The following PAPPA2 variants were observed in gnomAD, a reference collection of about 807,000 sequenced individuals.
PAPPA2 encodes the protein pappalysin-2.
Under a neutral mutation model 176.4 loss-of-function variants are expected in PAPPA2, and 86 were observed. The ratio of observed to expected loss-of-function variants is 0.49; its 90% CI spans 0.41 to 0.58. The LOEUF (loss-of-function observed/expected upper bound fraction) is 0.58, where lower values mean the gene tolerates loss of function less well. PAPPA2 is among the 20% of genes least tolerant of loss of function. The probability of loss-of-function intolerance (pLI) is 0.00; values close to 1 mark genes in which losing one functional copy is unlikely to be tolerated. For synonymous variants in PAPPA2, 809 were observed against 852.2 expected (o/e 0.95, Z 0.88); for missense variants, 2,073 against 2,256.9 (o/e 0.92, Z 1.65).
At chr1:176,614,617 C>T (rs1408711901) in intron 3 of PAPPA2, among the ~76,000 whole-genome samples, 2 of 152,128 alleles carry the variant, frequency 1.3e-5, no homozygotes, top group Non-Finnish European at 2.9e-5. Flanking sequence ...CATTTTATTT[C>T]AATAGCTTTT....
chr1:176,496,774 A>C (rs954725229), intron 1 of PAPPA2, among the ~76,000 whole-genome samples: 1 of 152,210 alleles, frequency 6.6e-6, no homozygotes, highest in African/African-American at 2.4e-5. Flanking sequence ...GAAGAAAGGA[A>C]AGTAGGGAAT....
chr1:176,797,506 C>G (rs1394107957), intron 20 of PAPPA2, among the ~76,000 whole-genome samples: 1 of 151,848 alleles, frequency 6.6e-6, no homozygotes, highest in East Asian at 1.9e-4. Context: ...TAAAATTAGC[C>G]TGATATGATA....
rs141627343 is a variant in PAPPA2 at position 176,466,941 on chromosome 1, T to C, written c.-917+3523T>C. On this transcript the variant is annotated intron_variant, in intron 1 of 22. Coordinates refer to ENST00000367662, the MANE Select transcript of PAPPA2 (RefSeq NM_020318.3). ...GAAATCCTAAATTGTATTTTGTAGC[T>C]CTGAGACCATATGGGAGGTCCAACC... Among the ~76,000 whole-genome samples the C allele has an allele frequency of 9.2e-5, 14 of 152,338 alleles. 1 individual carries two copies. The highest frequency in any genetic ancestry group is 3.4e-4 in the African/African-American group (14 of 41,584).
At chr1:176,652,478 G>A (rs1384670026) in intron 3 of PAPPA2, among the ~76,000 whole-genome samples, 2 of 151,620 alleles carry the variant, frequency 1.3e-5, no homozygotes, top group African/African-American at 2.4e-5. Context: ...GGTCCTAAAG[G>A]GGATATACCA....
chr1:176,552,189 C>T (rs1222443032), intron 1 of PAPPA2, among the ~76,000 whole-genome samples: 1 of 152,026 alleles, frequency 6.6e-6, no homozygotes, highest in Admixed American at 6.6e-5. Context: ...CCATCTCTTT[C>T]TAGTTTTTCT....
At chr1:176,763,046 T>C (rs1477423207) in intron 14 of PAPPA2, among the ~76,000 whole-genome samples, 1 of 152,230 alleles carries the variant, frequency 6.6e-6, no homozygotes, top group African/African-American at 2.4e-5. Context: ...TTAGTCTGAA[T>C]TCACCCTTTT....
At chr1:176,503,902 A>G (rs1648103082) in intron 1 of PAPPA2, among the ~76,000 whole-genome samples, 3 of 152,180 alleles carry the variant, frequency 2.0e-5, no homozygotes, top group African/African-American at 7.2e-5. Flanking sequence ...GCTCTGTTTT[A>G]TTTCTTCTAC....
intron 1 of PAPPA2, among the ~76,000 whole-genome samples, chr1:176,544,167 G>A (rs771463388): frequency 1.3e-5 from 2 of 152,212 alleles, no homozygotes; most frequent in Non-Finnish European, 2.9e-5. Context: ...TGTCAGGCTT[G>A]TAGAAACACT....
At chr1:176,761,764 G>T (rs1257312576) in intron 14 of PAPPA2, among the ~76,000 whole-genome samples, 1 of 152,150 alleles carries the variant, frequency 6.6e-6, no homozygotes, top group Non-Finnish European at 1.5e-5. Context: ...TTGCTGTGTG[G>T]CCTCCAGCCA....
intron 2 of PAPPA2, among the ~76,000 whole-genome samples, chr1:176,565,002 C>T (rs535235364): frequency 1.3e-5 from 2 of 152,220 alleles, no homozygotes; most frequent in South Asian, 4.2e-4. Flanking sequence ...TATAGATTTG[C>T]CTATTCTGTG....
At position 176,692,282 on chromosome 1, in the gene PAPPA2, A is replaced by C; in HGVS notation, c.2588A>C (p.His863Pro). 6.2e-7 allele frequency: 1 copy of C among 1,613,742 alleles called. No homozygotes were observed. Among genetic ancestry groups the C allele is most frequent in the Non-Finnish European group, 8.5e-7 (1 of 1,179,766 alleles). ...CAGACCAACAAGTCCCTCACTATCC[A>C]CTGGCTGCCTCCTATTAGTGGAGTT... Reference protein sequence around the residue: ...IGQTNKSLTIHWLPPISGVVY... With the variant: ...IGQTNKSLTIPWLPPISGVVY... Residue 863 changes from histidine to proline, a missense_variant, in exon 6 of 23, where the codon CAC becomes CCC. By Grantham distance (77) the His-to-Pro change is moderately conservative. Coordinates refer to ENST00000367662, the MANE Select transcript of PAPPA2 (RefSeq NM_020318.3).
chr1:176,648,244 G>A (rs954935317), intron 3 of PAPPA2, among the ~76,000 whole-genome samples: 5 of 151,316 alleles, frequency 3.3e-5, no homozygotes, highest in African/African-American at 1.2e-4. Flanking sequence ...ATTATTTGCT[G>A]TTGCTGTATA....
At chr1:176,478,771 G>C (rs548651995) in intron 1 of PAPPA2, among the ~76,000 whole-genome samples, 2 of 152,138 alleles carry the variant, frequency 1.3e-5, no homozygotes, top group Non-Finnish European at 2.9e-5. Context: ...GAGTAATCTC[G>C]CTCAACCATT....
chr1:176,651,582 A>T (rs533692352), intron 3 of PAPPA2, among the ~76,000 whole-genome samples: 1 of 151,520 alleles, frequency 6.6e-6, no homozygotes, highest in South Asian at 2.1e-4. Context: ...TTATTATATG[A>T]CTCGGAGTAG....
chr1:176,579,587 G>GTTAAT (rs1205199255), intron 2 of PAPPA2, among the ~76,000 whole-genome samples: 1 of 152,090 alleles, frequency 6.6e-6, no homozygotes, highest in Non-Finnish European at 1.5e-5. Context: ...TGCAAGTAGT[G>GTTAAT]GTCTGCAAAT....
At chr1:176,725,032 TAAAAA>T (rs959979393) in intron 12 of PAPPA2, among the ~76,000 whole-genome samples, 1 of 152,162 alleles carries the variant, frequency 6.6e-6, no homozygotes, top group African/African-American at 2.4e-5. Context: ...GAAAGCAGAT[TAAAAA>T]ACTACTTTAG....
intron 1 of PAPPA2, among the ~76,000 whole-genome samples, chr1:176,518,452 T>TAAAA (rs368157026): frequency 1.1e-4 from 13 of 121,726 alleles, no homozygotes; most frequent in Non-Finnish European, 1.4e-4. Context: ...GCTTGACAGG[T>TAAAA]AAAAAAAAAA....
intron 1 of PAPPA2, among the ~76,000 whole-genome samples, chr1:176,491,652 A>C (rs1397284477): frequency 1.3e-5 from 2 of 152,222 alleles, no homozygotes; most frequent in South Asian, 2.1e-4. Flanking sequence ...CATTGTTGCT[A>C]TTTTATATGT....
chr1:176,639,156 T>A (rs1459284376), intron 3 of PAPPA2, among the ~76,000 whole-genome samples: 9 of 152,064 alleles, frequency 5.9e-5, no homozygotes, highest in Non-Finnish European at 1.2e-4. Context: ...TGAAAAAAAC[T>A]AGGATGAACT....
Sources: allele counts gnomAD v4.1 joint callset (sites outside exome capture counted in the v4.1 genomes callset), GRCh38; gene constraint gnomAD v4.1.1; transcripts MANE v1.5; gene names NCBI Gene and HGNC (gene_info 2026-07-23, HGNC 2026-07-21).